Variants in INSC observed in about 807,000 individuals in gnomAD.
INSC encodes protein inscuteable homolog.
INSC carries 67 observed loss-of-function variants against 58.6 expected under a neutral mutation model. The ratio of observed to expected loss-of-function variants is 1.14; its 90% CI spans 0.94 to 1.40. The LOEUF is 1.40. Ranked by LOEUF, INSC falls within the 40% of genes most tolerant of loss-of-function variation. The pLI is 0.00. For missense variants in INSC, 714 were observed against 692.0 expected (o/e 1.03, Z -0.36); for synonymous variants, 262 against 276.1 (o/e 0.95, Z 0.51).
At chr11:15,262,655 A>AACACACACACACACACACACACAC in the INSC span, among the ~76,000 whole-genome samples, 15 of 146,782 alleles carry the variant, frequency 1.0e-4, no homozygotes, top group African/African-American at 3.3e-4. Context: ...CTGGGTGATA[A>AACACACACACACACACACACACAC]ACACACACAC....
intron 7 of INSC, among the ~76,000 whole-genome samples, chr11:15,210,685 C>T (rs899020422): frequency 6.6e-6 from 1 of 151,870 alleles, no homozygotes; most frequent in Non-Finnish European, 1.5e-5. Context: ...GAAGGGAGGC[C>T]GTGCTCACAG....
chr11:15,232,162 T>C (rs1209220394), intron 9 of INSC, among the ~76,000 whole-genome samples: 1 of 152,220 alleles, frequency 6.6e-6, no homozygotes, highest in Non-Finnish European at 1.5e-5. Context: ...TTTGCTGTTC[T>C]TCTGATGGGA....
chr11:15,268,824 T>A, the INSC span, among the ~76,000 whole-genome samples: 1 of 152,084 alleles, frequency 6.6e-6, no homozygotes. Flanking sequence ...TCCTTAGCAG[T>A]GGTCATAAAG....
rs774129904 is a variant in INSC, at chr11:15,175,766, G to A, written c.82G>A (p.Val28Ile). 6.3e-7 allele frequency: 1 copy of A among 1,584,586 alleles called. No homozygotes were observed. Among genetic ancestry groups the A allele is most frequent in the Non-Finnish European group, 8.6e-7 (1 of 1,158,668 alleles). Residue 28 changes from valine (V) to isoleucine (I), a missense_variant, in exon 3 of 13, where the codon GTC becomes ATC. Coordinates refer to ENST00000379556, the MANE Select transcript of INSC (RefSeq NM_001042536.3). ...QRLHLMQVDS[V>I]QRWMEDLKLM... is the part of the protein sequence containing the mutation. ...GCTACACCTGATGCAGGTGGACTCA[G>A]TCCAGCGCTGGATGGAAGATCTGAA... is the stretch of plus-strand genomic sequence containing the variant.
rs184923579 is a variant in INSC, at chr11:15,225,203, G to C, written c.992-447G>C. On this transcript the variant is annotated intron_variant, in intron 8 of 12. Coordinates refer to ENST00000379556, the MANE Select transcript of INSC (RefSeq NM_001042536.3). ...CATTCTTAGGGACACCTTTTGTTGC[G>C]CACCTCAGCGGAACACTAGTTATTC... Among the ~76,000 whole-genome samples, 6 of 152,196 alleles carry C rather than the reference G, an allele frequency of 3.9e-5. No individual in the cohort carries two copies. The East Asian group carries it at 1.2e-3, about 29-fold the overall frequency.
intron 7 of INSC, among the ~76,000 whole-genome samples, chr11:15,205,068 T>C (rs945621097): frequency 6.6e-6 from 1 of 152,174 alleles, no homozygotes; most frequent in African/African-American, 2.4e-5. Flanking sequence ...TCTCTGCTTC[T>C]TCATTCCTTC....
chr11:15,164,943 G>T (rs777943416), intron 2 of INSC, among the ~76,000 whole-genome samples: 3 of 152,064 alleles, frequency 2.0e-5, no homozygotes, highest in Non-Finnish European at 4.4e-5. Context: ...TGATTGTGAG[G>T]GCTCCCTATC....
intron 5 of INSC, among the ~76,000 whole-genome samples, chr11:15,183,225 C>T (rs910405868): frequency 5.3e-5 from 8 of 151,758 alleles, no homozygotes; most frequent in African/African-American, 1.2e-4. Context: ...GTGGCACATG[C>T]TTGTAATCCC....
At chr11:15,264,689 T>C in the INSC span, among the ~76,000 whole-genome samples, 4 of 151,294 alleles carry the variant, frequency 2.6e-5, no homozygotes, top group Non-Finnish European at 5.9e-5. Flanking sequence ...TTCTCTGCTT[T>C]GAAAGGCCCC....
chr11:15,112,608 G>A (rs766921327), upstream of INSC: 6 of 690,630 alleles, frequency 8.7e-6, no homozygotes, highest in Admixed American at 1.8e-4. Flanking sequence ...GTGTGTGTGT[G>A]TGTGTGTGTG....
chr11:15,177,034 C>A, intron 3 of INSC, 77 bp from the exon 4 acceptor site: 1 of 1,083,686 alleles, frequency 9.2e-7, no homozygotes, highest in Non-Finnish European at 1.4e-6. Flanking sequence ...TGTTTAATGT[C>A]CCCGTGTGCT....
intron 1 of INSC, among the ~76,000 whole-genome samples, chr11:15,130,526 A>C (rs1053263278): frequency 6.6e-6 from 1 of 152,174 alleles, no homozygotes; most frequent in Non-Finnish European, 1.5e-5. Flanking sequence ...TTTCTATATG[A>C]GATTGGCCTG....
chr11:15,249,655 C>T (rs1003023070), downstream of INSC, among the ~76,000 whole-genome samples: 9 of 152,162 alleles, frequency 5.9e-5, no homozygotes, highest in Non-Finnish European at 8.8e-5. Flanking sequence ...GAGGAGTCAG[C>T]GTGGTTGGTG....
the INSC span, among the ~76,000 whole-genome samples, chr11:15,262,132 TC>T: frequency 6.6e-6 from 1 of 152,070 alleles, no homozygotes; most frequent in Non-Finnish European, 1.5e-5. Flanking sequence ...CAGCTTGGCC[TC>T]CCCTTGGACA....
the INSC span, among the ~76,000 whole-genome samples, chr11:15,256,267 A>C: frequency 2.6e-5 from 4 of 152,224 alleles, no homozygotes; most frequent in African/African-American, 9.6e-5. Context: ...GGGAAGGGAC[A>C]TGCTAATTTT....
At chr11:15,232,324 G>T (rs2350982) in intron 9 of INSC, among the ~76,000 whole-genome samples, 4,901 of 152,208 alleles carry the variant, frequency 0.032, 244 homozygotes, top group African/African-American at 0.11. Context: ...GTCCTTTCAG[G>T]TTCTCCTGCC....
At chr11:15,133,976 G>A (rs924062912) in intron 1 of INSC, among the ~76,000 whole-genome samples, 4 of 151,988 alleles carry the variant, frequency 2.6e-5, no homozygotes, top group African/African-American at 7.2e-5. Flanking sequence ...CAATTAAAAA[G>A]CAGGTGCTAA....
At chr11:15,255,076 C>T in the INSC span, among the ~76,000 whole-genome samples, 1 of 152,174 alleles carries the variant, frequency 6.6e-6, no homozygotes, top group African/African-American at 2.4e-5. Context: ...AAAGACTTTA[C>T]ATCTTGCCTA....
At chr11:15,193,906 A>G (rs920073096) in intron 6 of INSC, among the ~76,000 whole-genome samples, 1 of 151,584 alleles carries the variant, frequency 6.6e-6, no homozygotes, top group Non-Finnish European at 1.5e-5. Flanking sequence ...GTTGGTCTGC[A>G]GTAGTTCACC....
Sources: allele counts gnomAD v4.1 joint callset (sites outside exome capture counted in the v4.1 genomes callset), GRCh38; gene constraint gnomAD v4.1.1; transcripts MANE v1.5; gene names NCBI Gene and HGNC (gene_info 2026-07-23, HGNC 2026-07-21).